ADTRP: variants seen among roughly 807,000 people sequenced by gnomAD.
ADTRP encodes androgen-dependent TFPI-regulating protein.
ADTRP carries 20 observed loss-of-function variants against 27.0 expected under a neutral mutation model. The ratio of observed to expected loss-of-function variants is 0.74; its 90% confidence interval spans 0.52 to 1.08. The LOEUF (loss-of-function observed/expected upper bound fraction) is 1.08, where lower values mean the gene tolerates loss of function less well. Ranked by LOEUF, ADTRP falls within the 50% of genes least tolerant of loss-of-function variation. The pLI is 0.00. For missense variants in ADTRP, 251 were observed against 275.0 expected (o/e 0.91, Z 0.62); for synonymous variants, 101 against 105.2 (o/e 0.96, Z 0.25).
chr6:11,761,986 G>A (rs1763402905), intron 3 of ADTRP, among the ~76,000 whole-genome samples: 1 of 152,186 alleles, frequency 6.6e-6, no homozygotes, highest in African/African-American at 2.4e-5. Flanking sequence ...GGGATGAAGA[G>A]TGGCTGACCT....
At chr6:11,734,394 C>T (rs146062786) in intron 4 of ADTRP, among the ~76,000 whole-genome samples, 298 of 152,324 alleles carry the variant, frequency 2.0e-3, no homozygotes, top group African/African-American at 6.9e-3. Flanking sequence ...AGGACCCAAG[C>T]TTAAGCCTCG....
intron 3 of ADTRP, among the ~76,000 whole-genome samples, chr6:11,743,806 A>G (rs1294460403): frequency 2.0e-5 from 3 of 152,128 alleles, no homozygotes; most frequent in African/African-American, 4.8e-5. Context: ...TGGGAAGCCA[A>G]CCCAGACTTG....
chr6:11,716,016 G>T (rs1009955), intron 5 of ADTRP, among the ~76,000 whole-genome samples: 108,169 of 151,524 alleles, frequency 0.71, 38,873 homozygotes, highest in East Asian at 0.92. Flanking sequence ...CCTAGTTAGG[G>T]CTTCTCTACA....
At chr6:11,730,576 G>T (rs967752899) in intron 4 of ADTRP, among the ~76,000 whole-genome samples, 2 of 152,234 alleles carry the variant, frequency 1.3e-5, no homozygotes, top group African/African-American at 2.4e-5. Context: ...TATTCTCAGG[G>T]TAAGATGTGT....
intron 1 of ADTRP, among the ~76,000 whole-genome samples, chr6:11,769,036 G>A (rs1158966796): frequency 6.6e-6 from 1 of 152,044 alleles, no homozygotes; most frequent in Non-Finnish European, 1.5e-5. Flanking sequence ...GGGTTACTAA[G>A]TGCTGTGTGG....
chr6:11,778,486 C>T lies in ADTRP; in HGVS notation c.153+121G>A, dbSNP rs569504733. On this transcript the variant is annotated intron_variant, in intron 1 of 5. Coordinates refer to ENST00000414691, the MANE Select transcript of ADTRP (RefSeq NM_032744.4). ...AACAAAAAACCCAAAACTCACAAAA[C>T]GGTGAAGAAGGAAGACAAATAACAA... The T allele has an allele frequency of 2.4e-4, 322 of 1,335,668 alleles. No homozygotes were observed. The African/African-American group carries it at 3.6e-3, about 15-fold the overall frequency. 82.7% of individuals were successfully genotyped at this position (1,335,668 alleles called of 1,614,324 possible). A position where few individuals can be genotyped will look rare whatever the true frequency, so the allele number is the denominator to read the frequency against.
At chr6:11,775,443 T>G (rs57766677) in intron 1 of ADTRP, among the ~76,000 whole-genome samples, 39 of 152,048 alleles carry the variant, frequency 2.6e-4, no homozygotes, top group African/African-American at 8.9e-4. Context: ...TAGCCCAGGG[T>G]CTCGGGGGCA....
chr6:11,751,852 C>A (rs1763065422), intron 3 of ADTRP, among the ~76,000 whole-genome samples: 1 of 152,214 alleles, frequency 6.6e-6, no homozygotes, highest in Non-Finnish European at 1.5e-5. Flanking sequence ...TTTCCTTCAA[C>A]ACTTTGGAGC....
intron 3 of ADTRP, among the ~76,000 whole-genome samples, chr6:11,763,522 A>G (rs1351557325): frequency 1.3e-5 from 2 of 152,200 alleles, no homozygotes; most frequent in African/African-American, 4.8e-5. Flanking sequence ...GGCCAGCCCC[A>G]TGCAGAGGCA....
At chr6:11,722,948 A>C (rs1418270094) in intron 5 of ADTRP, among the ~76,000 whole-genome samples, 1 of 152,212 alleles carries the variant, frequency 6.6e-6, no homozygotes, top group African/African-American at 2.4e-5. Flanking sequence ...ACTTCCCTCA[A>C]AATGAAACCT....
At chr6:11,739,902 CG>C in intron 3 of ADTRP, among the ~76,000 whole-genome samples, 1 of 152,178 alleles carries the variant, frequency 6.6e-6, no homozygotes, top group South Asian at 2.1e-4. Flanking sequence ...AAGTTTCCTG[CG>C]GGGACAAGAG....
At chr6:11,772,996 GCTT>G (rs1763835228) in intron 1 of ADTRP, among the ~76,000 whole-genome samples, 1 of 152,202 alleles carries the variant, frequency 6.6e-6, no homozygotes, top group Admixed American at 6.5e-5. Flanking sequence ...AGGACAACGG[GCTT>G]CAGTACAGCA....
intron 1 of ADTRP, among the ~76,000 whole-genome samples, chr6:11,775,515 C>T (rs965371623): frequency 1.3e-5 from 2 of 152,096 alleles, no homozygotes; most frequent in African/African-American, 2.4e-5. Flanking sequence ...TGAAATACCA[C>T]CTCTCCCTCC....
At position 11,754,956 on chromosome 6, in the gene ADTRP, T is replaced by C. The variant is rs571260564; in HGVS notation, c.390+11318A>G. ...TGTCTTGAGATCATGGGAGTTTGGC[T>C]CTTTCCTTCCACTTAGATTTTTAGT... On this transcript the variant is annotated intron_variant, in intron 3 of 5. Coordinates refer to ENST00000414691, the MANE Select transcript of ADTRP (RefSeq NM_032744.4). 6.7e-6 allele frequency: 6 copies of C among 891,498 alleles called. No individual in the cohort carries two copies. In the African/African-American group the frequency reaches 1.1e-4, roughly 16 times the overall value. The allele number at this position is 891,498 out of a possible 1,614,324, so 55.2% of individuals were successfully genotyped here. A position where few individuals can be genotyped will look rare whatever the true frequency, so the allele number is the denominator to read the frequency against.
At chr6:11,756,439 A>G (rs1763216218) in intron 3 of ADTRP, among the ~76,000 whole-genome samples, 1 of 152,196 alleles carries the variant, frequency 6.6e-6, no homozygotes, top group Admixed American at 6.5e-5. Flanking sequence ...TTTTAAAGAC[A>G]TTTCATACGC....
intron 4 of ADTRP, among the ~76,000 whole-genome samples, chr6:11,726,232 G>C (rs11966875): frequency 6.6e-6 from 1 of 152,150 alleles, no homozygotes; most frequent in Non-Finnish European, 1.5e-5. Context: ...ATGTGGTTGC[G>C]GGAGGAGGCA....
At position 11,714,786 on chromosome 6, in the gene ADTRP, G is replaced by A. The variant is rs537951220; in HGVS notation, c.659-274C>T. On this transcript the variant is annotated intron_variant, in intron 5 of 5. Coordinates refer to ENST00000414691, the MANE Select transcript of ADTRP (RefSeq NM_032744.4). ...TTCAGGTACTCTGCATAGCTAAGAGGAAGCATATTGCTGTGACTCTGAGTG... is the reference window on the plus strand; with the variant it reads ...TTCAGGTACTCTGCATAGCTAAGAGAAAGCATATTGCTGTGACTCTGAGTG... 3.3e-5 allele frequency among the ~76,000 whole-genome samples: 5 copies of A among 152,332 alleles called. No individual in the cohort carries two copies. The South Asian group carries it at 1.0e-3, about 32-fold the overall frequency.
At chr6:11,742,407 A>C (rs986018886) in intron 3 of ADTRP, among the ~76,000 whole-genome samples, 1 of 152,208 alleles carries the variant, frequency 6.6e-6, no homozygotes, top group Non-Finnish European at 1.5e-5. Flanking sequence ...ACATGAGAAG[A>C]TAGAAATGAA....
At chr6:11,749,597 C>T (rs990702342) in intron 3 of ADTRP, among the ~76,000 whole-genome samples, 4 of 151,806 alleles carry the variant, frequency 2.6e-5, no homozygotes, top group African/African-American at 9.7e-5. Context: ...AAGCGGAAAC[C>T]GAGGTAGGAG....
Sources: allele counts gnomAD v4.1 joint callset (sites outside exome capture counted in the v4.1 genomes callset), GRCh38; gene constraint gnomAD v4.1.1; transcripts MANE v1.5; gene names NCBI Gene and HGNC (gene_info 2026-07-23, HGNC 2026-07-21).